The following RBFOX1 variants were observed in gnomAD, a reference collection of about 807,000 sequenced individuals.
The protein encoded by RBFOX1 is RNA binding fox-1 homolog 1, also known as RNA binding protein fox-1 homolog 1.
Under a neutral mutation model 57.7 loss-of-function variants are expected in RBFOX1, and 8 were observed. That is an observed-to-expected ratio of 0.14 (90% CI 0.08 to 0.25). The LOEUF (loss-of-function observed/expected upper bound fraction) is 0.25, where lower values mean the gene tolerates loss of function less well. RBFOX1 is among the 10% of genes least tolerant of loss of function. The pLI is 1.00. For missense variants in RBFOX1, 611 were observed against 548.5 expected (o/e 1.11, Z -1.14); for synonymous variants, 326 against 222.4 (o/e 1.47, Z -4.15).
At chr16:6,885,710 T>C (rs1419297468) in intron 3 of RBFOX1, among the ~76,000 whole-genome samples, 1 of 151,990 alleles carries the variant, frequency 6.6e-6, no homozygotes, top group African/African-American at 2.4e-5. Flanking sequence ...TTTTCTATCT[T>C]TAGTAGAGAC....
At chr16:6,167,192 G>A (rs977926917) in intron 1 of RBFOX1, among the ~76,000 whole-genome samples, 2 of 152,236 alleles carry the variant, frequency 1.3e-5, no homozygotes, top group East Asian at 1.9e-4. Context: ...GCCGAAACAC[G>A]CATGCGTGAT....
At chr16:5,314,829 G>GAAA (rs35632580) in intron 1 of RBFOX1, among the ~76,000 whole-genome samples, 6 of 139,450 alleles carry the variant, frequency 4.3e-5, no homozygotes, top group Non-Finnish European at 4.6e-5. Context: ...GAAGATATTG[G>GAAA]AAAAAAAAAA....
intron 3 of RBFOX1, among the ~76,000 whole-genome samples, chr16:5,712,040 G>C (rs1032379777): frequency 6.6e-6 from 1 of 152,226 alleles, no homozygotes; most frequent in South Asian, 2.1e-4. Context: ...TATGATGGAA[G>C]GGAAAGCAGG....
At chr16:5,681,832 G>T (rs1261849890) in intron 3 of RBFOX1, among the ~76,000 whole-genome samples, 1 of 152,148 alleles carries the variant, frequency 6.6e-6, no homozygotes, top group East Asian at 1.9e-4. Flanking sequence ...TTAATATACG[G>T]GAGTGGGGGA....
intron 4 of RBFOX1, among the ~76,000 whole-genome samples, chr16:5,972,315 C>G (rs933032188): frequency 1.3e-5 from 2 of 152,176 alleles, no homozygotes; most frequent in African/African-American, 2.4e-5. Context: ...ATAGGCTACA[C>G]ATGGAAAAAG....
intron 4 of RBFOX1, among the ~76,000 whole-genome samples, chr16:7,149,408 T>G (rs1011845953): frequency 3.3e-5 from 5 of 152,114 alleles, no homozygotes; most frequent in Non-Finnish European, 7.3e-5. Flanking sequence ...GGTGAGAGAC[T>G]TTTGCTTAAG....
intron 1 of RBFOX1, among the ~76,000 whole-genome samples, chr16:6,211,539 C>G (rs1306544610): frequency 6.6e-6 from 1 of 152,120 alleles, no homozygotes; most frequent in African/African-American, 2.4e-5. Context: ...ATCTAGTTAA[C>G]TCTTGGTCTT....
In RBFOX1 at chr16:7,232,854, T is replaced by TAAA. The variant is rs35209426; in HGVS notation, c.27+180771_27+180773dup. Among the ~76,000 whole-genome samples the TAAA allele has an allele frequency of 4.5e-3, 583 of 128,624 alleles. 10 individuals are homozygous for TAAA. The South Asian group carries it at 0.072, about 16-fold the overall frequency. The allele number at this position is 128,624 out of a possible 152,430, so 84.4% of individuals were successfully genotyped here. On this transcript the variant is annotated intron_variant, in intron 4 of 15. Coordinates refer to ENST00000550418, the MANE Select transcript of RBFOX1 (RefSeq NM_018723.4). ...CAAGAGTGAAACTTCATCTCTTAAT[T>TAAA]AAAAAAAAAAAAAAAAAGAATGAGG...
At chr16:6,261,997 C>G (rs1371751444) in intron 1 of RBFOX1, among the ~76,000 whole-genome samples, 1 of 151,838 alleles carries the variant, frequency 6.6e-6, no homozygotes, top group East Asian at 1.9e-4. Context: ...CCATCGTACT[C>G]CAGCCTGGGC....
At chr16:7,483,447 A>G (rs1320654940) in intron 4 of RBFOX1, among the ~76,000 whole-genome samples, 2 of 152,186 alleles carry the variant, frequency 1.3e-5, no homozygotes, top group Non-Finnish European at 2.9e-5. Flanking sequence ...ATATGAGGAT[A>G]TTAGATAAGC....
chr16:6,417,901 A>G (rs1270095167), intron 2 of RBFOX1, among the ~76,000 whole-genome samples: 1 of 152,150 alleles, frequency 6.6e-6, no homozygotes, highest in Non-Finnish European at 1.5e-5. Context: ...CTTTCTTCTG[A>G]GAAAGGATGT....
intron 4 of RBFOX1, among the ~76,000 whole-genome samples, chr16:5,961,557 A>G (rs1167878541): frequency 5.3e-5 from 8 of 152,044 alleles, no homozygotes; most frequent in African/African-American, 4.8e-5. Flanking sequence ...GTCTTCCTCT[A>G]TCACCCAGGG....
intron 5 of RBFOX1, among the ~76,000 whole-genome samples, chr16:7,534,501 C>G (rs2081009011): frequency 6.6e-6 from 1 of 152,076 alleles, no homozygotes; most frequent in Non-Finnish European, 1.5e-5. Flanking sequence ...CGGTAAGCCC[C>G]AGGATAACTT....
chr16:5,705,537 G>C (rs531294008), intron 3 of RBFOX1, among the ~76,000 whole-genome samples: 2 of 152,118 alleles, frequency 1.3e-5, no homozygotes, highest in Non-Finnish European at 2.9e-5. Flanking sequence ...CTGTAATCAC[G>C]AGCGAAACAT....
At chr16:7,468,697 T>C (rs2060981204) in intron 4 of RBFOX1, among the ~76,000 whole-genome samples, 1 of 152,122 alleles carries the variant, frequency 6.6e-6, no homozygotes, top group Admixed American at 6.5e-5. Flanking sequence ...CTTCTGAAGA[T>C]AGGTTGTTTA....
rs116504496 is a variant in RBFOX1, at chr16:6,645,569, T to A, written c.-63-9034T>A. The stretch of plus-strand genomic sequence containing the variant: ...CACCAAGTGTAGAAGAAAAGAAGTC[T>A]CTCTCGGGAGAGAGAACTGCTTCTG... On this transcript the variant is annotated intron_variant, in intron 2 of 15. Coordinates refer to ENST00000550418, the MANE Select transcript of RBFOX1 (RefSeq NM_018723.4). Among the ~76,000 whole-genome samples the A allele has an allele frequency of 7.5e-3, 1,136 of 152,168 alleles. 21 individuals carry two copies. Among genetic ancestry groups the A allele is most frequent in the African/African-American group, 0.026 (1,065 of 41,516 alleles).
chr16:6,446,387 A>G (rs2094486338), intron 2 of RBFOX1, among the ~76,000 whole-genome samples: 1 of 152,176 alleles, frequency 6.6e-6, no homozygotes, highest in Non-Finnish European at 1.5e-5. Context: ...AAAGGTAGAG[A>G]ATTTGGTTTA....
chr16:7,220,209 A>G (rs891709031), intron 4 of RBFOX1, among the ~76,000 whole-genome samples: 21 of 152,212 alleles, frequency 1.4e-4, no homozygotes, highest in African/African-American at 5.1e-4. Flanking sequence ...ATTAGCAGAC[A>G]GCATGCTCTG....
chr16:6,998,573 G>A (rs1219004796), intron 3 of RBFOX1, among the ~76,000 whole-genome samples: 1 of 152,070 alleles, frequency 6.6e-6, no homozygotes, highest in Non-Finnish European at 1.5e-5. Flanking sequence ...AACCAAAATA[G>A]GATTTTAATT....
Sources: gnomAD v4.1 joint callset for allele counts (sites outside exome capture counted in the v4.1 genomes callset) on GRCh38, gnomAD v4.1.1 for gene constraint, MANE v1.5 for transcripts, NCBI Gene and HGNC (gene_info 2026-07-23, HGNC 2026-07-21) for gene names.